The following SGCD variants were observed in gnomAD, a reference collection of about 807,000 sequenced individuals.
SGCD encodes sarcoglycan delta, also known as delta-sarcoglycan.
SGCD carries 18 observed loss-of-function variants against 36.6 expected under a neutral mutation model. That is an observed-to-expected ratio of 0.49 (90% CI 0.34 to 0.73). The LOEUF is 0.73. Ranked by LOEUF, SGCD falls within the 30% of genes least tolerant of loss-of-function variation. SGCD has a pLI of 0.01. For missense variants in SGCD, 387 were observed against 346.7 expected (o/e 1.12, Z -0.92); for synonymous variants, 133 against 130.6 (o/e 1.02, Z -0.12).
intron 3 of SGCD, among the ~76,000 whole-genome samples, chr5:156,298,114 AT>A (rs1210163057): frequency 3.3e-5 from 5 of 151,040 alleles, no homozygotes; most frequent in South Asian, 2.1e-4. Flanking sequence ...ACAGGATCTT[AT>A]TTTTTTTTAT....
intron 7 of SGCD, among the ~76,000 whole-genome samples, chr5:156,736,367 A>AT (rs1271214677): frequency 6.6e-6 from 1 of 152,214 alleles, no homozygotes; most frequent in East Asian, 1.9e-4. Flanking sequence ...TTACCCAAAG[A>AT]TTTGGATACA....
chr5:156,608,011 G>A (rs1160775466), intron 6 of SGCD, among the ~76,000 whole-genome samples: 1 of 151,936 alleles, frequency 6.6e-6, no homozygotes, highest in Non-Finnish European at 1.5e-5. Flanking sequence ...GATTCATTGA[G>A]CTTTTGAAGG....
chr5:155,823,066 C>CTCTATATCTCTA, the SGCD span, among the ~76,000 whole-genome samples: 2 of 61,954 alleles, frequency 3.2e-5, no homozygotes, highest in African/African-American at 9.4e-5. Flanking sequence ...ATCTCTATAT[C>CTCTATATCTCTA]TATCTATCTA....
intron 3 of SGCD, among the ~76,000 whole-genome samples, chr5:156,140,957 AG>A (rs549158829): frequency 2.9e-4 from 44 of 152,178 alleles, no homozygotes; most frequent in Middle Eastern, 3.4e-3. Context: ...CAGTTTTAAG[AG>A]GGGGGGCCCA....
the SGCD span, among the ~76,000 whole-genome samples, chr5:155,811,024 A>C: frequency 6.7e-6 from 1 of 149,688 alleles, no homozygotes; most frequent in African/African-American, 2.5e-5. Context: ...TCACCGTTTT[A>C]GCCGGGATGG....
At chr5:155,819,178 G>A in the SGCD span, among the ~76,000 whole-genome samples, 4 of 152,070 alleles carry the variant, frequency 2.6e-5, no homozygotes, top group African/African-American at 7.2e-5. Flanking sequence ...CAAACATTCT[G>A]AAATCCCAAA....
chr5:156,670,057 A>G (rs1753224837), intron 7 of SGCD, among the ~76,000 whole-genome samples: 1 of 152,168 alleles, frequency 6.6e-6, no homozygotes, highest in Non-Finnish European at 1.5e-5. Context: ...GGGCAATGTG[A>G]CTACATCATT....
At chr5:156,131,786 T>C (rs889687450) in intron 3 of SGCD, among the ~76,000 whole-genome samples, 5 of 152,234 alleles carry the variant, frequency 3.3e-5, no homozygotes, top group African/African-American at 9.6e-5. Flanking sequence ...TCCAGAATGA[T>C]TGAAAGTGGC....
At chr5:156,673,979 C>T (rs998622607) in intron 7 of SGCD, among the ~76,000 whole-genome samples, 1 of 152,170 alleles carries the variant, frequency 6.6e-6, no homozygotes, top group Non-Finnish European at 1.5e-5. Flanking sequence ...CCCTCTGGCC[C>T]TCATAGAATG....
intron 3 of SGCD, among the ~76,000 whole-genome samples, chr5:156,262,898 G>GGT (rs66684897): frequency 0.08 from 11,819 of 147,820 alleles, 464 homozygotes; most frequent in Middle Eastern, 0.12. Flanking sequence ...AGTATTCCAT[G>GGT]GTGTGTGTGT....
chr5:156,289,400 C>A (rs1766699305), intron 3 of SGCD, among the ~76,000 whole-genome samples: 1 of 151,836 alleles, frequency 6.6e-6, no homozygotes, highest in Admixed American at 6.6e-5. Flanking sequence ...CCCCTACCAA[C>A]CCATCACCTG....
chr5:156,295,499 T>C (rs913363560), intron 3 of SGCD, among the ~76,000 whole-genome samples: 2 of 152,164 alleles, frequency 1.3e-5, no homozygotes, highest in African/African-American at 2.4e-5. Flanking sequence ...TCTGCTATCA[T>C]TGGGTTTCCT....
At chr5:156,321,836 T>G (rs1426468898), upstream of SGCD, among the ~76,000 whole-genome samples, 1 of 152,216 alleles carries the variant, frequency 6.6e-6, no homozygotes, top group Non-Finnish European at 1.5e-5. Flanking sequence ...TTTCAACTGT[T>G]ACTCCCAGTC....
At chr5:156,374,149 C>CAAA (rs34872468) in intron 3 of SGCD, among the ~76,000 whole-genome samples, 2 of 140,712 alleles carry the variant, frequency 1.4e-5, no homozygotes, top group Non-Finnish European at 1.6e-5. Flanking sequence ...GTTCAAAATA[C>CAAA]AAAAAAAAAA....
At chr5:156,460,332 GT>G (rs2127816513) in intron 3 of SGCD, among the ~76,000 whole-genome samples, 1 of 152,198 alleles carries the variant, frequency 6.6e-6, no homozygotes, top group Non-Finnish European at 1.5e-5. Context: ...CCTTTTAAAG[GT>G]TTAAAATTTT....
chr5:156,140,409 G>A (rs75989491), intron 3 of SGCD, among the ~76,000 whole-genome samples: 3,083 of 152,286 alleles, frequency 0.02, 45 homozygotes, highest in Non-Finnish European at 0.035. Context: ...TGGTAGAAAT[G>A]TGGATGCTGA....
At chr5:156,014,619 T>G (rs1418183467) in intron 1 of SGCD, among the ~76,000 whole-genome samples, 1 of 152,236 alleles carries the variant, frequency 6.6e-6, no homozygotes, top group African/African-American at 2.4e-5. Context: ...TGGATTTTCA[T>G]GTATTTTTAT....
At chr5:156,240,073 C>T (rs1477209468) in intron 3 of SGCD, among the ~76,000 whole-genome samples, 1 of 152,094 alleles carries the variant, frequency 6.6e-6, no homozygotes, top group Non-Finnish European at 1.5e-5. Flanking sequence ...GGAAGCCTTA[C>T]CCAGTGCTGT....
Position 156,022,926 on chromosome 5 carries a change from T to C in SGCD, c.-281-94952T>C, listed in dbSNP as rs1706592607. Among the ~76,000 whole-genome samples, 6 of 152,312 alleles carry C rather than the reference T, an allele frequency of 3.9e-5. No individual in the cohort carries two copies. In the South Asian group the frequency reaches 1.2e-3, roughly 32 times the overall value. ...CACAGAGTGAAAATACGGTACAAGG[T>C]GCTTTTCCACCCAGCTGTCACTTCT... On this transcript the variant is annotated intron_variant, in intron 1 of 9. Transcript: ENST00000517913.
Sources: allele counts gnomAD v4.1 joint callset (sites outside exome capture counted in the v4.1 genomes callset), GRCh38; gene constraint gnomAD v4.1.1; transcripts MANE v1.5; gene names NCBI Gene and HGNC (gene_info 2026-07-23, HGNC 2026-07-21).